TDRD7: variants seen among roughly 807,000 people sequenced by gnomAD.
TDRD7 encodes tudor domain-containing protein 7.
A neutral mutation model predicts 109.8 loss-of-function variants in TDRD7; 47 were observed. The ratio of observed to expected loss-of-function variants is 0.43; its 90% confidence interval spans 0.34 to 0.55. The LOEUF (loss-of-function observed/expected upper bound fraction) is 0.55. TDRD7 is among the 20% of genes least tolerant of loss of function. The pLI is 0.03. For synonymous variants in TDRD7, 424 were observed against 457.3 expected, an observed-to-expected ratio of 0.93 and a Z score of 0.93; for missense variants, 1,164 against 1,319.2, an observed-to-expected ratio of 0.88 and a Z score of 1.82.
intron 6 of TDRD7, among the ~76,000 whole-genome samples, chr9:97,450,042 T>C (rs1038800262): frequency 6.6e-6 from 1 of 152,110 alleles, no homozygotes; most frequent in African/African-American, 2.4e-5. Flanking sequence ...ATCATGAACT[T>C]ACGGGAATAG....
At chr9:97,480,745 T>G in intron 13 of TDRD7, 83 bp from the exon 14 acceptor site, 1 of 1,144,164 alleles carries the variant, frequency 8.7e-7, no homozygotes, top group Admixed American at 1.7e-5. Context: ...ACCATTTGAT[T>G]TGTAGGAAAA....
chr9:97,491,607 C>T (rs1829310455), intron 16 of TDRD7, among the ~76,000 whole-genome samples: 1 of 152,084 alleles, frequency 6.6e-6, no homozygotes, highest in South Asian at 2.1e-4. Flanking sequence ...TGAGCCTGTG[C>T]CCCTGGACTG....
At chr9:97,413,407 A>G (rs1466243522) in intron 1 of TDRD7, among the ~76,000 whole-genome samples, 2 of 151,712 alleles carry the variant, frequency 1.3e-5, no homozygotes, top group Non-Finnish European at 1.5e-5. Flanking sequence ...AAATAGAGGT[A>G]CCTGGCTTAC....
chr9:97,471,015 T>C (rs1235513388), intron 9 of TDRD7, among the ~76,000 whole-genome samples: 1 of 152,154 alleles, frequency 6.6e-6, no homozygotes, highest in East Asian at 1.9e-4. Context: ...GTGAGGTGAC[T>C]CTCAGCCCCT....
intron 16 of TDRD7, among the ~76,000 whole-genome samples, chr9:97,491,277 C>G (rs1017923022): frequency 2.6e-5 from 4 of 152,188 alleles, no homozygotes; most frequent in Admixed American, 2.6e-4. Context: ...GTTTCTACTT[C>G]CATTATCCAT....
At chr9:97,442,827 CT>C (rs111732796) in intron 6 of TDRD7, among the ~76,000 whole-genome samples, 10,789 of 151,434 alleles carry the variant, frequency 0.071, 587 homozygotes, top group African/African-American at 0.16. Flanking sequence ...CGGAGTTTCA[CT>C]TTTTGTCACC....
chr9:97,451,442 A>G lies in TDRD7; in HGVS notation c.856-8736A>G, dbSNP rs1828490660. ...AGTGCTGGGATTATAGATGCACACT[A>G]TCACATCCAGCTAATTTTTAAAATT... On this transcript the variant is annotated intron_variant, in intron 6 of 16. Coordinates refer to ENST00000355295, the MANE Select transcript of TDRD7 (RefSeq NM_014290.3). 2.6e-5 allele frequency among the ~76,000 whole-genome samples: 4 copies of G among 151,966 alleles called. No homozygotes were observed. In the South Asian group the frequency reaches 8.3e-4, roughly 32 times the overall value.
chr9:97,475,296 A>C, intron 11 of TDRD7, 87 bp from the exon 12 acceptor site: 1 of 1,039,052 alleles, frequency 9.6e-7, no homozygotes, highest in Non-Finnish European at 1.5e-6. Context: ...TAAGTCTGCC[A>C]GTGCCACAGC....
chr9:97,431,954 A>C, intron 3 of TDRD7, 71 bp from the exon 4 acceptor site: 1 of 1,349,028 alleles, frequency 7.4e-7, no homozygotes, highest in Non-Finnish European at 1.1e-6. Flanking sequence ...ACATCTGGTC[A>C]GGGGAGTGTC....
chr9:97,474,803 C>T lies in TDRD7; in HGVS notation c.2080-580C>T, dbSNP rs376239502. On this transcript the variant is annotated intron_variant, in intron 11 of 16. Transcript: ENST00000355295. ...TGCCTTTGGGGAGAGTAGAAACACA[C>T]ACCCTGAACAGAAAGAGACCATGGA... 5.9e-5 allele frequency among the ~76,000 whole-genome samples: 9 copies of T among 152,258 alleles called. No homozygotes were observed. The South Asian group carries it at 1.5e-3, about 25-fold the overall frequency.
chr9:97,483,068 A>G lies in TDRD7; in HGVS notation c.2632A>G (p.Arg878Gly). ...PMSGNTGENF[R>G]KNLTDVIKKS... The stretch of plus-strand genomic sequence containing the variant: ...GTCGGGCAACACTGGAGAGAATTTC[A>G]GAAAGAACCTCACAGATGTCATCAA... Residue 878 changes from arginine (R) to glycine (G), a missense_variant, in exon 15 of 17, where the codon AGA becomes GGA. Physicochemically the swap from Arg to Gly is moderately radical, Grantham distance 125. Coordinates refer to ENST00000355295, the MANE Select transcript of TDRD7 (RefSeq NM_014290.3). 1 of 1,614,196 alleles carries G rather than the reference A, an allele frequency of 6.2e-7. No individual in the cohort carries two copies. The highest frequency in any genetic ancestry group is 8.5e-7 in the Non-Finnish European group (1 of 1,180,026).
At position 97,463,487 on chromosome 9, in the gene TDRD7, C is replaced by A. The variant is rs891781610; in HGVS notation, c.1443-1355C>A. 2.0e-5 allele frequency among the ~76,000 whole-genome samples: 3 copies of A among 148,666 alleles called. No individual in the cohort carries two copies. The East Asian group carries it at 6.2e-4, about 30-fold the overall frequency. ...AGAAATAGTCCTAAAGGAACCATTT[C>A]TTAGAGCTGTACAGGCCTACTTGGA... is the stretch of plus-strand genomic sequence containing the variant. On this transcript the variant is annotated intron_variant, in intron 7 of 16. Transcript: ENST00000355295.
chr9:97,477,161 A>C (rs2131170420), intron 12 of TDRD7, among the ~76,000 whole-genome samples: 1 of 152,344 alleles, frequency 6.6e-6, no homozygotes, highest in East Asian at 1.9e-4. Context: ...AAGTTGCAAA[A>C]ATAGCACAAA....
intron 4 of TDRD7, among the ~76,000 whole-genome samples, chr9:97,435,633 T>TAA (rs972684782): frequency 1.3e-4 from 13 of 98,888 alleles, no homozygotes; most frequent in African/African-American, 5.2e-4. Flanking sequence ...AAGACCCTCT[T>TAA]AAAAAAAAAA....
intron 1 of TDRD7, among the ~76,000 whole-genome samples, chr9:97,415,433 TC>T (rs1368138313): frequency 6.6e-6 from 1 of 152,190 alleles, no homozygotes; most frequent in Non-Finnish European, 1.5e-5. Context: ...GAATAGGACT[TC>T]CTTGGGCCAT....
In TDRD7 at chr9:97,472,448, A is replaced by T. The variant is rs778382930; in HGVS notation, c.1897A>T (p.Thr633Ser). The T allele has an allele frequency of 1.2e-6, 2 of 1,613,912 alleles. No homozygotes were observed. Among genetic ancestry groups the T allele is most frequent in the Non-Finnish European group, 1.7e-6 (2 of 1,179,862 alleles). Residue 633 changes from threonine to serine, a missense_variant, in exon 10 of 17, where the codon ACC becomes TCC. Around this residue, in one of 5 missense-constraint regions of TDRD7, gnomAD observed 261 missense variants for 336.2 expected, o/e 0.78. Transcript: ENST00000355295. Reference sequence around the variant, plus strand: ...AGAAGATGATATCAATATCAATGCCACCTGCTTGAAGGCTATATGTGACAA... The same window carrying T: ...AGAAGATGATATCAATATCAATGCCTCCTGCTTGAAGGCTATATGTGACAA... Reference protein sequence around the residue: ...SGEDDININATCLKAICDKSL... With the variant: ...SGEDDININASCLKAICDKSL...
intron 4 of TDRD7, among the ~76,000 whole-genome samples, chr9:97,438,923 G>GTTTAT (rs1166427416): frequency 2.6e-5 from 4 of 151,966 alleles, no homozygotes; most frequent in Non-Finnish European, 4.4e-5. Flanking sequence ...GTTTCCAACT[G>GTTTAT]TTTATTTTTG....
At chr9:97,419,352 A>G (rs1025202794) in intron 1 of TDRD7, among the ~76,000 whole-genome samples, 2 of 152,210 alleles carry the variant, frequency 1.3e-5, no homozygotes, top group African/African-American at 4.8e-5. Flanking sequence ...CCTCTTGCAA[A>G]TTAAAACTTG....
intron 8 of TDRD7, among the ~76,000 whole-genome samples, chr9:97,469,737 T>G (rs532228822): frequency 1.2e-4 from 19 of 152,362 alleles, no homozygotes; most frequent in Middle Eastern, 6.8e-3. Flanking sequence ...TGTTTCTAGA[T>G]TTTTATTTTT....
Sources: allele counts gnomAD v4.1 joint callset (sites outside exome capture counted in the v4.1 genomes callset), GRCh38; gene constraint gnomAD v4.1.1; regional missense constraint gnomAD v4.1.1; transcripts MANE v1.5; gene names NCBI Gene and HGNC (gene_info 2026-07-23, HGNC 2026-07-21).